ITPR2: variants seen among roughly 807,000 people sequenced by gnomAD.
ITPR2 encodes the protein inositol 1,4,5-trisphosphate receptor type 2, also known as inositol 1,4,5-trisphosphate-gated calcium channel ITPR2.
Under a neutral mutation model 317.1 loss-of-function variants are expected in ITPR2, and 207 were observed. The observed-to-expected ratio is 0.65, with a 90% CI of 0.58 to 0.73. ITPR2 has a LOEUF of 0.73. Among genes scored for constraint, ITPR2 ranks in the 30% least tolerant of loss-of-function variants. ITPR2 has a pLI of 0.00. For synonymous variants in ITPR2, 1,156 were observed against 1,149.1 expected (o/e 1.01, Z -0.12); for missense variants, 2,613 against 3,284.0 (o/e 0.80, Z 4.99).
intron 45 of ITPR2, among the ~76,000 whole-genome samples, chr12:26,455,752 T>G (rs1941866516): frequency 6.6e-6 from 1 of 152,160 alleles, no homozygotes. Flanking sequence ...ATATATAACC[T>G]ACTGGTAAAG....
chr12:26,371,904 T>G (rs1293041682), intron 55 of ITPR2, among the ~76,000 whole-genome samples: 5 of 152,188 alleles, frequency 3.3e-5, no homozygotes, highest in African/African-American at 1.2e-4. Flanking sequence ...GATACTTCCT[T>G]AAAATCGGAT....
chr12:26,462,006 A>G (rs549939177), intron 45 of ITPR2, among the ~76,000 whole-genome samples: 73 of 150,298 alleles, frequency 4.9e-4, no homozygotes, highest in African/African-American at 1.7e-3. Context: ...GTTTGTCACA[A>G]TGGTCTGCCA....
intron 54 of ITPR2, among the ~76,000 whole-genome samples, chr12:26,392,340 GCTGA>G (rs1939876711): frequency 6.6e-6 from 1 of 152,118 alleles, no homozygotes; most frequent in African/African-American, 2.4e-5. Flanking sequence ...TTGTAGTCAT[GCTGA>G]CTTTCTCATC....
At chr12:26,802,686 A>G (rs1162215575) in intron 1 of ITPR2, among the ~76,000 whole-genome samples, 1 of 148,992 alleles carries the variant, frequency 6.7e-6, no homozygotes, top group Non-Finnish European at 1.5e-5. Flanking sequence ...AAATCAAAAA[A>G]AGAGAAAAAA....
Position 26,400,222 on chromosome 12 carries a change from C to T in ITPR2, c.7436G>A (p.Cys2479Tyr). 6.3e-7 allele frequency: 1 copy of T among 1,595,078 alleles called. No homozygotes were observed. The highest frequency in any genetic ancestry group is 1.1e-5 in the South Asian group (1 of 87,562). Residue 2479 changes from cysteine to tyrosine, a missense_variant, in exon 53 of 57, where the codon TGT (cysteine) becomes TAT (tyrosine). Transcript: ENST00000381340. ...GACAATGCACATAAGGAGAGTGTCACACGTCCTTTCAATTCCATCTTCATA... is the reference window on the plus strand; with the variant it reads ...GACAATGCACATAAGGAGAGTGTCATACGTCCTTTCAATTCCATCTTCATA... The part of the protein sequence containing the change: ...EEYEDGIERT[C>Y]DTLLMCIVTV...
At chr12:26,759,721 C>G (rs769338756) in intron 2 of ITPR2, among the ~76,000 whole-genome samples, 1 of 152,218 alleles carries the variant, frequency 6.6e-6, no homozygotes, top group Non-Finnish European at 1.5e-5. Flanking sequence ...AGCCCGACAA[C>G]AAGGGCTCCT....
chr12:26,561,723 A>G, intron 35 of ITPR2, 39 bp downstream of exon 35: 5 of 1,414,846 alleles, frequency 3.5e-6, no homozygotes, highest in Middle Eastern at 2.0e-4. Flanking sequence ...AAAAAATATA[A>G]TTTAGAAAAT....
chr12:26,402,903 G>T (rs1333060550), intron 52 of ITPR2, among the ~76,000 whole-genome samples: 1 of 152,154 alleles, frequency 6.6e-6, no homozygotes, highest in East Asian at 1.9e-4. Flanking sequence ...TCCAACAGCC[G>T]CTGGACGAGG....
At chr12:26,450,174 C>T (rs1532721) in intron 45 of ITPR2, among the ~76,000 whole-genome samples, 127,785 of 152,168 alleles carry the variant, frequency 0.84, 53,740 homozygotes, top group Non-Finnish European at 0.87. Flanking sequence ...ATGGCCCTGC[C>T]AACACCTTGG....
intron 55 of ITPR2, among the ~76,000 whole-genome samples, chr12:26,342,644 T>C (rs1054913208): frequency 2.6e-5 from 4 of 152,136 alleles, no homozygotes; most frequent in African/African-American, 9.7e-5. Context: ...TTCACTCTTG[T>C]TGTTGTCCAG....
chr12:26,697,785 T>G (rs1592048634), intron 9 of ITPR2, among the ~76,000 whole-genome samples: 1 of 151,786 alleles, frequency 6.6e-6, no homozygotes, highest in East Asian at 1.9e-4. Context: ...GAAGTGAGAC[T>G]CTGTCTCAAA....
intron 21 of ITPR2, among the ~76,000 whole-genome samples, chr12:26,634,229 T>G (rs1485062691): frequency 6.6e-6 from 1 of 152,200 alleles, no homozygotes; most frequent in Non-Finnish European, 1.5e-5. Flanking sequence ...TGTGAACCAT[T>G]ACAGCTTGAA....
chr12:26,408,226 G>A (rs1381306993), intron 52 of ITPR2, among the ~76,000 whole-genome samples: 1 of 152,154 alleles, frequency 6.6e-6, no homozygotes, highest in East Asian at 1.9e-4. Flanking sequence ...GACTGGCCCA[G>A]AGTAGAGGCT....
chr12:26,495,268 G>C lies in ITPR2; in HGVS notation c.5074-8C>G, dbSNP rs755816599. On this transcript the variant is annotated splice_polypyrimidine_tract_variant and splice_region_variant and intron_variant, in intron 37 of 56. Coordinates refer to ENST00000381340, the MANE Select transcript of ITPR2 (RefSeq NM_002223.4). ...CTTTCTTAATGTGTTACCCTAATAA[G>C]AAGGATAACAAAGAGTTACTGTTCC... 2.1e-6 allele frequency: 3 copies of C among 1,423,520 alleles called. No homozygotes were observed. In the South Asian group the frequency reaches 3.5e-5, roughly 17 times the overall value. The allele number at this position is 1,423,520 out of a possible 1,614,324, so 88.2% of individuals were successfully genotyped here.
At chr12:26,719,456 T>C (rs1350741227) in intron 5 of ITPR2, among the ~76,000 whole-genome samples, 1 of 152,208 alleles carries the variant, frequency 6.6e-6, no homozygotes, top group South Asian at 2.1e-4. Context: ...CCATGTAAGA[T>C]TCAAGCTGAG....
chr12:26,646,769 T>C (rs950387080), intron 21 of ITPR2, among the ~76,000 whole-genome samples: 1 of 152,222 alleles, frequency 6.6e-6, no homozygotes, highest in Non-Finnish European at 1.5e-5. Context: ...AAAGAAATCC[T>C]ACAAATAAAT....
At chr12:26,493,006 A>C (rs1942847350) in intron 39 of ITPR2, among the ~76,000 whole-genome samples, 1 of 152,008 alleles carries the variant, frequency 6.6e-6, no homozygotes, top group African/African-American at 2.4e-5. Context: ...AAATTAAATT[A>C]AATTTTAAAA....
chr12:26,427,080 T>C (rs1392725153), intron 49 of ITPR2, among the ~76,000 whole-genome samples: 2 of 152,006 alleles, frequency 1.3e-5, no homozygotes, highest in Non-Finnish European at 2.9e-5. Context: ...TCCTTAAGCA[T>C]AGTAAAATGT....
At chr12:26,616,562 G>T (rs1241756368) in intron 26 of ITPR2, among the ~76,000 whole-genome samples, 1 of 152,176 alleles carries the variant, frequency 6.6e-6, no homozygotes, top group East Asian at 1.9e-4. Context: ...AGGGAATGCA[G>T]CTCCTTTGAA....
Sources: gnomAD v4.1 joint callset for allele counts (sites outside exome capture counted in the v4.1 genomes callset) on GRCh38, gnomAD v4.1.1 for gene constraint, MANE v1.5 for transcripts, NCBI Gene and HGNC (gene_info 2026-07-23, HGNC 2026-07-21) for gene names.